The following TBC1D9 variants were observed in gnomAD, a reference collection of about 807,000 sequenced individuals.
The protein encoded by TBC1D9 is TBC1 domain family member 9A.
In TBC1D9, 63 loss-of-function variants were observed where a neutral mutation model predicts 132.0. The observed-to-expected ratio is 0.48, with a 90% confidence interval of 0.39 to 0.59. The LOEUF (loss-of-function observed/expected upper bound fraction) is 0.59, where lower values mean the gene tolerates loss of function less well. Ranked by LOEUF, TBC1D9 falls within the 20% of genes least tolerant of loss-of-function variation. The pLI is 0.00. For synonymous variants in TBC1D9, 610 were observed against 609.9 expected (o/e 1.00, Z 0.00); for missense variants, 1,261 against 1,592.7 (o/e 0.79, Z 3.54).
chr4:140,696,086 C>T (rs1286428022), intron 2 of TBC1D9, among the ~76,000 whole-genome samples: 1 of 152,128 alleles, frequency 6.6e-6, no homozygotes. Flanking sequence ...GGCTCCCTTT[C>T]CCAATTAAAG....
intron 13 of TBC1D9, among the ~76,000 whole-genome samples, chr4:140,639,745 C>T (rs1736950092): frequency 6.6e-6 from 1 of 152,202 alleles, no homozygotes; most frequent in African/African-American, 2.4e-5. Context: ...AGAATCTTCT[C>T]AACTAGCAGA....
chr4:140,687,312 T>C (rs1341197639), intron 2 of TBC1D9, among the ~76,000 whole-genome samples: 3 of 73,676 alleles, frequency 4.1e-5, no homozygotes, highest in African/African-American at 1.2e-4. Context: ...ATGTGTGCCA[T>C]ATATATATAT....
At chr4:140,668,168 G>A (rs75378918) in intron 9 of TBC1D9, among the ~76,000 whole-genome samples, 4,894 of 152,308 alleles carry the variant, frequency 0.032, 143 homozygotes, top group South Asian at 0.074. Flanking sequence ...GATACACTCA[G>A]TGCTTTCGGA....
At position 140,737,215 on chromosome 4, in the gene TBC1D9, G is replaced by A. The variant is rs1184560820; in HGVS notation, c.130+18701C>T. Among the ~76,000 whole-genome samples the A allele has an allele frequency of 3.9e-5, 6 of 152,188 alleles. No homozygotes were observed. In the East Asian group the frequency reaches 7.8e-4, roughly 20 times the overall value. ...CTTGCCTTCCTGAGTACTGGACTGC[G>A]CCTTGGGGTTTGGGGACCCCTGCTC... On this transcript the variant is annotated intron_variant, in intron 1 of 20. Transcript: ENST00000442267.
chr4:140,652,700 T>C (rs991259824), intron 13 of TBC1D9, among the ~76,000 whole-genome samples: 6 of 152,218 alleles, frequency 3.9e-5, no homozygotes, highest in Non-Finnish European at 5.9e-5. Flanking sequence ...AACATTTACA[T>C]GGCAGAGCTG....
chr4:140,630,451 T>A (rs772076478), intron 16 of TBC1D9, among the ~76,000 whole-genome samples: 1 of 152,226 alleles, frequency 6.6e-6, no homozygotes, highest in Non-Finnish European at 1.5e-5. Context: ...CCCAGATATC[T>A]GCATTGTCTG....
chr4:140,621,461 T>C lies in TBC1D9; in HGVS notation c.*734A>G, dbSNP rs1736612267. 6.6e-6 allele frequency: 1 copy of C among 152,250 alleles called. No homozygotes were observed. The highest frequency in any genetic ancestry group is 2.4e-5 in the African/African-American group (1 of 41,468). 9.4% of individuals were successfully genotyped at this position (152,250 alleles called of 1,614,324 possible). Reference sequence around the variant, plus strand: ...TCTCTGTGACAAAAGACTGTTACTTTTCACTGAATTCTAATGAGTTGACGT... The same window carrying C: ...TCTCTGTGACAAAAGACTGTTACTTCTCACTGAATTCTAATGAGTTGACGT... On this transcript the variant is annotated 3_prime_UTR_variant, in exon 21 of 21. Transcript: ENST00000442267.
At chr4:140,740,872 T>G (rs1272461769) in intron 1 of TBC1D9, among the ~76,000 whole-genome samples, 1 of 152,206 alleles carries the variant, frequency 6.6e-6, no homozygotes, top group East Asian at 1.9e-4. Context: ...ATTTCCTGAG[T>G]GGATCTCACA....
In TBC1D9 at chr4:140,741,550, G is replaced by C. The variant is rs574964077; in HGVS notation, c.130+14366C>G. Among the ~76,000 whole-genome samples the C allele has an allele frequency of 2.9e-3, 448 of 152,118 alleles. 1 individual carries two copies. Among genetic ancestry groups the C allele is most frequent in the Middle Eastern group, 0.01 (3 of 294 alleles). On this transcript the variant is annotated intron_variant, in intron 1 of 20. Transcript: ENST00000442267. The stretch of plus-strand genomic sequence containing the variant: ...TGGGCAATGTGGTGAAACCCTGTCT[G>C]TACAAAAAAATACAAAAATTAGCTA...
At chr4:140,735,999 G>C (rs1377779409) in intron 1 of TBC1D9, among the ~76,000 whole-genome samples, 1 of 152,098 alleles carries the variant, frequency 6.6e-6, no homozygotes, top group African/African-American at 2.4e-5. Context: ...GCTTTTCTGG[G>C]CAAACACACC....
chr4:140,684,556 G>T (rs1245536690), intron 3 of TBC1D9, among the ~76,000 whole-genome samples: 2 of 151,944 alleles, frequency 1.3e-5, no homozygotes, highest in Non-Finnish European at 2.9e-5. Flanking sequence ...AAGGAAAATG[G>T]CTGTTTGACA....
At chr4:140,673,372 A>G (rs1737567898) in intron 6 of TBC1D9, among the ~76,000 whole-genome samples, 1 of 152,094 alleles carries the variant, frequency 6.6e-6, no homozygotes, top group African/African-American at 2.4e-5. Context: ...GGTCTATACA[A>G]TCTTAAAAGT....
chr4:140,654,719 A>G (rs1737239121), intron 13 of TBC1D9, among the ~76,000 whole-genome samples: 1 of 152,226 alleles, frequency 6.6e-6, no homozygotes, highest in Non-Finnish European at 1.5e-5. Context: ...AAGGTGAAAC[A>G]TTCATTCTTT....
chr4:140,725,745 T>C (rs1204052414), intron 1 of TBC1D9, among the ~76,000 whole-genome samples: 1 of 152,042 alleles, frequency 6.6e-6, no homozygotes, highest in East Asian at 1.9e-4. Flanking sequence ...AATTGTTCAC[T>C]GAAAAAAGCA....
Position 140,670,753 on chromosome 4 carries a change from C to T in TBC1D9, c.1233G>A (p.Glu411=), listed in dbSNP as rs376719219. Residue 411 remains glutamate (E), a synonymous_variant, in exon 7 of 21, where the codon GAG becomes GAA. Coordinates refer to ENST00000442267, the MANE Select transcript of TBC1D9 (RefSeq NM_015130.3). ...QTTSKIYSDK[E]FAGSYNSSDD... ...CTGAACTGTTGTAACTTCCTGCAAA[C>T]TCCTTGTCAGAATATATTTTGGAAG... is the stretch of plus-strand genomic sequence containing the variant. 2 of 1,613,848 alleles carry T rather than the reference C, an allele frequency of 1.2e-6. No individual in the cohort carries two copies. Among genetic ancestry groups the T allele is most frequent in the African/African-American group, 2.7e-5 (2 of 74,922 alleles).
chr4:140,657,020 A>T (rs1364893709), intron 13 of TBC1D9, 77 bp downstream of exon 13: 1 of 1,531,682 alleles, frequency 6.5e-7, no homozygotes, highest in Non-Finnish European at 8.9e-7. Context: ...GTATTCTGTT[A>T]TAGCAGCACA....
intron 13 of TBC1D9, chr4:140,644,328 A>G (rs1321483531): frequency 3.7e-6 from 1 of 272,088 alleles, no homozygotes. Context: ...GTGGGGAGGC[A>G]GGCTGGTGGG....
In TBC1D9 at chr4:140,639,704, C is replaced by T. The variant is rs144727585; in HGVS notation, c.2338-276G>A. On this transcript the variant is annotated intron_variant, in intron 13 of 20. Transcript: ENST00000442267. ...GTTTGTCAAGAAGGGCTAAATAAGGCTACTTGTGTATGAACAAATGCTTCA... is the reference window on the plus strand; with the variant it reads ...GTTTGTCAAGAAGGGCTAAATAAGGTTACTTGTGTATGAACAAATGCTTCA... 3.5e-3 allele frequency among the ~76,000 whole-genome samples: 532 copies of T among 152,284 alleles called. 5 individuals are homozygous for T. Among genetic ancestry groups the T allele is most frequent in the African/African-American group, 0.012 (513 of 41,552 alleles).
chr4:140,755,272 G>A (rs1187126987), intron 1 of TBC1D9, among the ~76,000 whole-genome samples: 1 of 152,220 alleles, frequency 6.6e-6, no homozygotes, highest in Non-Finnish European at 1.5e-5. Flanking sequence ...ATACCTTGAA[G>A]GGAGGGGGTT....
Sources: gnomAD v4.1 joint callset for allele counts (sites outside exome capture counted in the v4.1 genomes callset) on GRCh38, gnomAD v4.1.1 for gene constraint, MANE v1.5 for transcripts, NCBI Gene and HGNC (gene_info 2026-07-23, HGNC 2026-07-21) for gene names.